The following TTLL7 variants were observed in gnomAD, a reference collection of about 807,000 sequenced individuals.
TTLL7 encodes tubulin polyglutamylase TTLL7.
Under a neutral mutation model 120.2 loss-of-function variants are expected in TTLL7, and 53 were observed. That is an observed-to-expected ratio of 0.44 (90% CI 0.35 to 0.55). The LOEUF is 0.55. Among genes scored for constraint, TTLL7 ranks in the 20% least tolerant of loss-of-function variants. TTLL7 has a pLI of 0.00. For synonymous variants in TTLL7, 353 were observed against 351.7 expected (o/e 1.00, Z -0.04); for missense variants, 803 against 1,054.7 (o/e 0.76, Z 3.31).
intron 8 of TTLL7, among the ~76,000 whole-genome samples, chr1:83,937,400 A>G (rs1045080720): frequency 2.0e-5 from 3 of 151,916 alleles, no homozygotes; most frequent in Non-Finnish European, 4.4e-5. Context: ...ACAGGGTTTC[A>G]CCATGTTGGC....
At chr1:83,893,169 T>A (rs1330322612) in intron 18 of TTLL7, among the ~76,000 whole-genome samples, 1 of 151,802 alleles carries the variant, frequency 6.6e-6, no homozygotes, top group African/African-American at 2.4e-5. Flanking sequence ...ATAATAAACT[T>A]AAAAACACTA....
chr1:83,958,826 A>T (rs1435867521), intron 1 of TTLL7, among the ~76,000 whole-genome samples: 3 of 152,160 alleles, frequency 2.0e-5, no homozygotes, highest in Non-Finnish European at 4.4e-5. Context: ...CACACCTGGG[A>T]CTACTGTTCA....
rs1557563584 is a variant in TTLL7 at position 83,892,415 on chromosome 1, A to AATATATAT, written c.2209-1935_2209-1934insATATATAT. ...ACGAATATATATGAACATATATATG[A>AATATATAT]ACATATATATGAACATATATATGAA... On this transcript the variant is annotated intron_variant, in intron 18 of 20. Coordinates refer to ENST00000260505, the MANE Select transcript of TTLL7 (RefSeq NM_024686.6). Among the ~76,000 whole-genome samples the AATATATAT allele has an allele frequency of 6.5e-5, 7 of 108,434 alleles. 1 individual carries two copies. The highest frequency in any genetic ancestry group is 6.4e-4 in the South Asian group (2 of 3,138). The allele number at this position is 108,434 out of a possible 152,430, so 71.1% of individuals were successfully genotyped here. A position where few individuals can be genotyped will look rare whatever the true frequency, so the allele number is the denominator to read the frequency against.
At chr1:83,901,088 G>C (rs1460895140) in intron 18 of TTLL7, among the ~76,000 whole-genome samples, 1 of 151,810 alleles carries the variant, frequency 6.6e-6, no homozygotes, top group Non-Finnish European at 1.5e-5. Flanking sequence ...AGAAGGTATT[G>C]GTTCACTAGT....
chr1:83,983,872 C>G (rs1157389693), intron 1 of TTLL7: 1 of 152,206 alleles, frequency 6.6e-6, no homozygotes, highest in Non-Finnish European at 1.5e-5. Context: ...AGGAAGAGAG[C>G]TGGAGCCCAG....
intron 1 of TTLL7, among the ~76,000 whole-genome samples, chr1:83,998,310 T>A (rs895296751): frequency 6.6e-6 from 1 of 152,190 alleles, no homozygotes; most frequent in East Asian, 1.9e-4. Flanking sequence ...CTCTCCTAAA[T>A]CTTTTCTTTC....
At chr1:83,944,864 A>G (rs2100847304) in intron 6 of TTLL7, among the ~76,000 whole-genome samples, 1 of 152,336 alleles carries the variant, frequency 6.6e-6, no homozygotes, top group Non-Finnish European at 1.5e-5. Flanking sequence ...GACAATAACA[A>G]CATAAAGGGA....
chr1:83,905,691 T>C (rs996054253), intron 17 of TTLL7, among the ~76,000 whole-genome samples: 25 of 152,116 alleles, frequency 1.6e-4, no homozygotes, highest in African/African-American at 6.0e-4. Context: ...AATGTAACCT[T>C]GCATGAAGAA....
intron 13 of TTLL7, 107 bp downstream of exon 13, chr1:83,919,592 A>C (rs1658475311): frequency 9.7e-7 from 1 of 1,027,432 alleles, no homozygotes; most frequent in Admixed American, 3.5e-5. Context: ...GGGAAAGCAT[A>C]TCTTAAAAGT....
At chr1:83,912,722 C>A (rs1008761695) in intron 14 of TTLL7, among the ~76,000 whole-genome samples, 3 of 152,068 alleles carry the variant, frequency 2.0e-5, no homozygotes, top group Non-Finnish European at 4.4e-5. Context: ...TGAAAAATAA[C>A]CAAAGCAGGA....
chr1:83,981,964 T>C (rs1652008721), intron 1 of TTLL7, among the ~76,000 whole-genome samples: 1 of 152,160 alleles, frequency 6.6e-6, no homozygotes, highest in African/African-American at 2.4e-5. Flanking sequence ...TAGGCTATGA[T>C]TGACATTAGA....
chr1:83,906,514 C>T (rs781045931), intron 16 of TTLL7, 51 bp from the exon 17 acceptor site: 35 of 1,606,924 alleles, frequency 2.2e-5, no homozygotes, highest in Non-Finnish European at 2.7e-5. Flanking sequence ...TTTCATTGTG[C>T]CAGTATAATC....
chr1:83,957,798 A>G (rs1304825705), intron 1 of TTLL7, among the ~76,000 whole-genome samples: 5 of 152,222 alleles, frequency 3.3e-5, no homozygotes, highest in Admixed American at 6.5e-5. Flanking sequence ...GCCCAAGGAC[A>G]TAGTGAGAAG....
At chr1:83,946,852 AAC>A (rs1045352371) in intron 6 of TTLL7, among the ~76,000 whole-genome samples, 3 of 152,168 alleles carry the variant, frequency 2.0e-5, no homozygotes, top group Non-Finnish European at 4.4e-5. Context: ...TTTAGAAAAA[AAC>A]AGAGAATAGC....
At chr1:83,876,556 C>T (rs1203149410) in intron 20 of TTLL7, among the ~76,000 whole-genome samples, 1 of 151,946 alleles carries the variant, frequency 6.6e-6, no homozygotes. Context: ...GAAGAACTGA[C>T]ATATCAATAA....
intron 1 of TTLL7, among the ~76,000 whole-genome samples, chr1:83,986,514 T>C (rs768791260): frequency 6.6e-6 from 1 of 152,170 alleles, no homozygotes; most frequent in Non-Finnish European, 1.5e-5. Context: ...TAATTAGCAT[T>C]ACATTTAATA....
At chr1:83,966,975 G>T (rs1170019974) in intron 1 of TTLL7, among the ~76,000 whole-genome samples, 2 of 152,110 alleles carry the variant, frequency 1.3e-5, no homozygotes, top group African/African-American at 4.8e-5. Context: ...ATTCAGAGGA[G>T]TCTGTCTTCC....
intron 1 of TTLL7, among the ~76,000 whole-genome samples, chr1:83,965,057 G>A (rs554401527): frequency 1.1e-4 from 17 of 152,094 alleles, no homozygotes; most frequent in African/African-American, 3.6e-4. Context: ...AGCATGCCAC[G>A]TTGCTGGAAC....
intron 1 of TTLL7, among the ~76,000 whole-genome samples, chr1:83,982,717 C>T (rs1475443506): frequency 6.6e-6 from 1 of 152,138 alleles, no homozygotes; most frequent in African/African-American, 2.4e-5. Flanking sequence ...ATTTAAATGG[C>T]CACACTGCCC....
Sources: allele counts gnomAD v4.1 joint callset (sites outside exome capture counted in the v4.1 genomes callset), GRCh38; gene constraint gnomAD v4.1.1; transcripts MANE v1.5; gene names NCBI Gene and HGNC (gene_info 2026-07-23, HGNC 2026-07-21).